The following ESR1 variants were observed in gnomAD, a reference collection of about 807,000 sequenced individuals.
ESR1 encodes the protein estrogen receptor 1.
ESR1 carries 12 observed loss-of-function variants against 52.7 expected under a neutral mutation model. The observed-to-expected ratio is 0.23, with a 90% confidence interval of 0.15 to 0.37. The LOEUF is 0.37. Ranked by LOEUF, ESR1 falls within the 10% of genes least tolerant of loss-of-function variation. The pLI is 1.00. For missense variants in ESR1, 584 were observed against 779.7 expected (o/e 0.75, Z 2.99); for synonymous variants, 305 against 316.8 (o/e 0.96, Z 0.39).
At chr6:151,883,105 G>A (rs1017805755) in intron 3 of ESR1, among the ~76,000 whole-genome samples, 1 of 151,580 alleles carries the variant, frequency 6.6e-6, no homozygotes, top group African/African-American at 2.4e-5. Flanking sequence ...GGAATATTTG[G>A]TTTCTAGTGA....
In ESR1 at chr6:151,817,350, T is replaced by C. The variant is rs111434169; in HGVS notation, c.452+8986T>C. The stretch of plus-strand genomic sequence containing the variant: ...AGCTCATTTACTCTTCCTATGACTT[T>C]AGATGGAGGATATTTCCAAGTCTTC... On this transcript the variant is annotated intron_variant, in intron 1 of 7. Transcript: ENST00000206249. Among the ~76,000 whole-genome samples, 103 of 152,308 alleles carry C rather than the reference T, an allele frequency of 6.8e-4. 1 individual carries two copies. The highest frequency in any genetic ancestry group is 2.3e-3 in the African/African-American group (97 of 41,564).
intron 1 of ESR1, among the ~76,000 whole-genome samples, chr6:151,674,251 A>G (rs1778177022): frequency 1.3e-5 from 2 of 152,100 alleles, no homozygotes; most frequent in Non-Finnish European, 2.9e-5. Context: ...CTCATTGTTC[A>G]ACTCCCATTT....
intron 6 of ESR1, among the ~76,000 whole-genome samples, chr6:152,123,213 T>C (rs1585336010): frequency 6.6e-6 from 1 of 152,340 alleles, no homozygotes; most frequent in Non-Finnish European, 1.5e-5. Context: ...TCATTAATCA[T>C]AGAGCATACC....
At chr6:151,661,554 C>A (rs931958163) in intron 1 of ESR1, among the ~76,000 whole-genome samples, 103 of 152,320 alleles carry the variant, frequency 6.8e-4, no homozygotes, top group African/African-American at 2.4e-3. Context: ...TTTTTCCCAG[C>A]ACAAACAAAT....
At position 151,678,026 on chromosome 6, in the gene ESR1, T is replaced by C. The variant is rs1439966869; in HGVS notation, n.73+21263T>C. Among the ~76,000 whole-genome samples the C allele has an allele frequency of 2.0e-5, 3 of 152,152 alleles. No individual in the cohort carries two copies. The East Asian group carries it at 5.8e-4, about 29-fold the overall frequency. On this transcript the variant is annotated intron_variant and non_coding_transcript_variant, in intron 1 of 2. Coordinates refer to the ESR1 transcript ENST00000473497. ...TGTATACACATGGTGGCCTGAGCAA[T>C]TGGCTGTCATGGTTTGGTTTGATTA...
intron 2 of ESR1, among the ~76,000 whole-genome samples, chr6:151,708,410 G>C (rs1488837153): frequency 6.6e-6 from 1 of 152,022 alleles, no homozygotes; most frequent in Non-Finnish European, 1.5e-5. Flanking sequence ...TTAGTAATTG[G>C]GGGTTTTATT....
In ESR1 at chr6:151,989,209, G is replaced by A. The variant is rs555306025; in HGVS notation, c.1097-22447G>A. Among the ~76,000 whole-genome samples the A allele has an allele frequency of 1.5e-4, 23 of 152,178 alleles. No homozygotes were observed. The South Asian group carries it at 3.9e-3, about 26-fold the overall frequency. On this transcript the variant is annotated intron_variant, in intron 4 of 7. Transcript: ENST00000206249. ...AAGGCCTTCAAAAATGAAATTTAAG[G>A]CCTGTTAAGCAGACCCAACATCAAC...
At chr6:151,935,621 C>T (rs1184295371) in intron 3 of ESR1, among the ~76,000 whole-genome samples, 1 of 152,234 alleles carries the variant, frequency 6.6e-6, no homozygotes, top group Non-Finnish European at 1.5e-5. Context: ...CAAGTCCTGA[C>T]ACCCACCAAC....
intron 4 of ESR1, among the ~76,000 whole-genome samples, chr6:151,971,120 A>T (rs1219712897): frequency 6.6e-6 from 1 of 152,166 alleles, no homozygotes; most frequent in Non-Finnish European, 1.5e-5. Context: ...TTTGTATTAA[A>T]TTTTTACCAT....
At chr6:151,751,251 A>G (rs1783879171) in intron 2 of ESR1, among the ~76,000 whole-genome samples, 1 of 152,218 alleles carries the variant, frequency 6.6e-6, no homozygotes, top group South Asian at 2.1e-4. Context: ...ATAAAACAGG[A>G]GGAAACACAT....
At chr6:152,060,608 C>T (rs2047471239) in intron 5 of ESR1, among the ~76,000 whole-genome samples, 1 of 152,094 alleles carries the variant, frequency 6.6e-6, no homozygotes, top group Non-Finnish European at 1.5e-5. Flanking sequence ...TGTTTTTATT[C>T]CCAGAACTAC....
intron 2 of ESR1, among the ~76,000 whole-genome samples, chr6:151,719,631 G>T (rs1294758120): frequency 6.6e-6 from 1 of 152,140 alleles, no homozygotes; most frequent in African/African-American, 2.4e-5. Flanking sequence ...TAATGCTTTG[G>T]ATAAATGTAA....
At chr6:151,910,961 G>A (rs1479006067) in intron 3 of ESR1, among the ~76,000 whole-genome samples, 2 of 152,086 alleles carry the variant, frequency 1.3e-5, no homozygotes, top group African/African-American at 4.8e-5. Context: ...GCATTATTAG[G>A]TTCTCATAAG....
chr6:151,809,828 A>G (rs1241064877), intron 1 of ESR1, among the ~76,000 whole-genome samples: 1 of 152,148 alleles, frequency 6.6e-6, no homozygotes, highest in Non-Finnish European at 1.5e-5. Context: ...ACTTGTTTTA[A>G]TTTAGGGTTA....
intron 6 of ESR1, among the ~76,000 whole-genome samples, chr6:152,064,952 G>A (rs1433491935): frequency 1.3e-5 from 2 of 152,174 alleles, no homozygotes; most frequent in Non-Finnish European, 2.9e-5. Context: ...GGGTTATTGT[G>A]GATAAGGGGG....
intron 4 of ESR1, among the ~76,000 whole-genome samples, chr6:151,984,859 G>A (rs1254485655): frequency 1.3e-5 from 2 of 151,936 alleles, no homozygotes; most frequent in Non-Finnish European, 2.9e-5. Flanking sequence ...ACCATAGTTG[G>A]ATATTTTGAG....
At chr6:151,975,084 C>G (rs2039308413) in intron 4 of ESR1, among the ~76,000 whole-genome samples, 1 of 152,172 alleles carries the variant, frequency 6.6e-6, no homozygotes. Context: ...AATTTATGAT[C>G]TGAACTTAAC....
chr6:151,917,815 T>A (rs2030644344), intron 3 of ESR1, among the ~76,000 whole-genome samples: 1 of 152,228 alleles, frequency 6.6e-6, no homozygotes, highest in Non-Finnish European at 1.5e-5. Flanking sequence ...TTGCAGTAAC[T>A]TTTAAAAATT....
chr6:152,076,448 T>A (rs535551372), intron 6 of ESR1, among the ~76,000 whole-genome samples: 1 of 152,270 alleles, frequency 6.6e-6, no homozygotes, highest in South Asian at 2.1e-4. Context: ...GAAAATGGAC[T>A]AATACAGTAA....
Sources: gnomAD v4.1 joint callset for allele counts (sites outside exome capture counted in the v4.1 genomes callset) on GRCh38, gnomAD v4.1.1 for gene constraint, MANE v1.5 for transcripts, NCBI Gene and HGNC (gene_info 2026-07-23, HGNC 2026-07-21) for gene names.